Variants in ACOT7 observed in about 807,000 individuals in gnomAD.
ACOT7 encodes acyl-CoA thioesterase 7, also known as cytosolic acyl coenzyme A thioester hydrolase.
A neutral mutation model predicts 40.2 loss-of-function variants in ACOT7; 12 were observed. That is an observed-to-expected ratio of 0.30 (90% CI 0.19 to 0.48). The LOEUF is 0.48. Among genes scored for constraint, ACOT7 ranks in the 20% least tolerant of loss-of-function variants. The pLI, the probability that ACOT7 is intolerant of heterozygous loss-of-function variation, is 0.99. For synonymous variants in ACOT7, 228 were observed against 219.5 expected, an observed-to-expected ratio of 1.04 and a Z score of -0.34; for missense variants, 395 against 530.8, an observed-to-expected ratio of 0.74 and a Z score of 2.51.
rs2148463938 is a variant in ACOT7, at chr1:6,358,187, C to T, written c.144-8321G>A. 6.6e-6 allele frequency among the ~76,000 whole-genome samples: 1 copy of T among 152,222 alleles called. No individual in the cohort carries two copies. The highest frequency in any genetic ancestry group is 1.9e-4 in the East Asian group (1 of 5,168). The stretch of plus-strand genomic sequence containing the variant: ...TCTGGCCCCTGCTTCTCCTCTTTGA[C>T]TTGCTGCCTAAGGCAGTTCCGGCGA... On this transcript the variant is annotated intron_variant, in intron 1 of 8. Transcript: ENST00000361521. The surrounding 1 kb of genome is among the most constrained non-coding windows in gnomAD (Gnocchi z 4.1).
chr1:6,340,168 A>T (rs1043547607), intron 2 of ACOT7, among the ~76,000 whole-genome samples: 4 of 151,994 alleles, frequency 2.6e-5, no homozygotes, highest in African/African-American at 4.8e-5. Context: ...GGGTTTCTCC[A>T]TGTTAGCCAG....
At chr1:6,331,822 C>T (rs558074314) in intron 4 of ACOT7, among the ~76,000 whole-genome samples, 5 of 152,342 alleles carry the variant, frequency 3.3e-5, no homozygotes, top group African/African-American at 1.2e-4. Context: ...AGACACCCCA[C>T]CCAGACCTTC....
At position 6,333,544 on chromosome 1, in the gene ACOT7, G is replaced by T; in HGVS notation, c.443C>A (p.Ala148Asp). ...CGACAGGGGCACATACCACAGGGTG[G>T]CCTTATTGGTCAGCTTTTTGGCACC... ...LTGAKKLTNK[A>D]TLWYVPLSLK... Residue 148 changes from alanine (A) to aspartate (D), a missense_variant, in exon 4 of 9, where the codon GCC becomes GAC. Ala to Asp is a moderately radical substitution (Grantham distance 126, BLOSUM62 -2). Coordinates refer to ENST00000361521, the MANE Select transcript of ACOT7 (RefSeq NM_007274.4). 1 of 1,614,208 alleles carries T rather than the reference G, an allele frequency of 6.2e-7. No homozygotes were observed. Among genetic ancestry groups the T allele is most frequent in the Non-Finnish European group, 8.5e-7 (1 of 1,180,034 alleles).
rs11542479 is a variant in ACOT7, at chr1:6,393,579, G to C, written c.-180C>G. The C allele has an allele frequency of 1.5e-5, 7 of 473,334 alleles. No homozygotes were observed. The highest frequency in any genetic ancestry group is 4.8e-5 in the Admixed American group (1 of 20,708). 29.3% of individuals were successfully genotyped at this position (473,334 alleles called of 1,614,324 possible). On this transcript the variant is annotated 5_prime_UTR_variant, in exon 1 of 9. Transcript: ENST00000361521. ...GCGGGCGTACGATTCTGGCGGCGTG[G>C]GGGCCCAGGCAGCCGCCGCTTCCAG...
intron 1 of ACOT7, among the ~76,000 whole-genome samples, chr1:6,379,308 G>A (rs34185555): frequency 1.3e-5 from 2 of 151,630 alleles, no homozygotes; most frequent in African/African-American, 2.4e-5. Context: ...CAGCTGTGAC[G>A]GCAAGCAAGT....
Position 6,264,524 on chromosome 1 carries a change from G to A in ACOT7, c.*73C>T. 1 of 1,443,982 alleles carries A rather than the reference G, an allele frequency of 6.9e-7. No individual in the cohort carries two copies. The highest frequency in any genetic ancestry group is 1.3e-5 in the South Asian group (1 of 77,084). The allele number at this position is 1,443,982 out of a possible 1,614,324, so 89.4% of individuals were successfully genotyped here. A position where few individuals can be genotyped will look rare whatever the true frequency, so the allele number is the denominator to read the frequency against. ...GTGAATTGGGTTTTTGGCCAAGGGG[G>A]GAACTTCTAAGTGACTGGACACTGG... On this transcript the variant is annotated 3_prime_UTR_variant, in exon 9 of 9. Transcript: ENST00000361521.
At chr1:6,334,414 G>A (rs114597498) in intron 3 of ACOT7, among the ~76,000 whole-genome samples, 4,120 of 152,362 alleles carry the variant, frequency 0.027, 196 homozygotes, top group African/African-American at 0.094. Context: ...TCAGGAGGAT[G>A]TGGAGGCTGT....
intron 1 of ACOT7, among the ~76,000 whole-genome samples, chr1:6,365,784 T>C (rs75582020): frequency 1.1e-4 from 16 of 150,332 alleles, no homozygotes; most frequent in Admixed American, 9.3e-4. Flanking sequence ...AAAAAAAAAA[T>C]TTATTGCTAA....
chr1:6,390,836 T>A (rs1382929449), intron 1 of ACOT7, among the ~76,000 whole-genome samples: 2 of 151,864 alleles, frequency 1.3e-5, no homozygotes, highest in Admixed American at 1.3e-4. Flanking sequence ...CTCAGGAGGC[T>A]GAGGTGGAAG....
At chr1:6,391,227 G>C (rs909035820) in intron 1 of ACOT7, among the ~76,000 whole-genome samples, 1 of 149,244 alleles carries the variant, frequency 6.7e-6, no homozygotes, top group African/African-American at 2.5e-5. Context: ...AGCTGGGTGC[G>C]GTGGTTCACA....
intron 5 of ACOT7, among the ~76,000 whole-genome samples, chr1:6,325,705 G>A (rs901420923): frequency 1.3e-5 from 2 of 152,102 alleles, no homozygotes; most frequent in Non-Finnish European, 2.9e-5. Context: ...AAGTTGACCC[G>A]CCCAGAAAAC....
rs899880731 is a variant in ACOT7, at chr1:6,330,665, AG to A, written c.510+2811del. On this transcript the variant is annotated intron_variant, in intron 4 of 8. Transcript: ENST00000361521. The surrounding 1 kb of genome is among the most constrained non-coding windows in gnomAD (Gnocchi z 4.6). ...CTGGGCAAGGAGAGGCGAGGCTAACAGGGGCCACGCTGAAAGCACCCTGTCC... is the reference window on the plus strand; with the variant it reads ...CTGGGCAAGGAGAGGCGAGGCTAACAGGGCCACGCTGAAAGCACCCTGTCC... Among the ~76,000 whole-genome samples the A allele has an allele frequency of 6.6e-6, 1 of 152,184 alleles. No individual in the cohort carries two copies. Among genetic ancestry groups the A allele is most frequent in the Non-Finnish European group, 1.5e-5 (1 of 68,024 alleles).
At chr1:6,373,756 T>G (rs1480540540) in intron 1 of ACOT7, among the ~76,000 whole-genome samples, 1 of 151,896 alleles carries the variant, frequency 6.6e-6, no homozygotes. Context: ...TCCCAGCCCT[T>G]CAGGAGGCTG....
chr1:6,319,878 C>T (rs145368637), intron 5 of ACOT7, among the ~76,000 whole-genome samples: 201 of 152,340 alleles, frequency 1.3e-3, no homozygotes, highest in African/African-American at 4.6e-3. Context: ...CACGAGGGTG[C>T]GAGGGCTGGT....
intron 1 of ACOT7, among the ~76,000 whole-genome samples, chr1:6,380,608 A>C (rs569885104): frequency 2.7e-5 from 4 of 150,770 alleles, no homozygotes; most frequent in Non-Finnish European, 5.9e-5. Context: ...AAAAACAAGA[A>C]GACGACCTCT....
intron 5 of ACOT7, 93 bp from the exon 6 acceptor site, chr1:6,318,671 C>A: frequency 7.6e-7 from 1 of 1,316,398 alleles, no homozygotes; most frequent in Non-Finnish European, 1.1e-6. Context: ...CAGGTCTACA[C>A]AGTCAACGAA....
chr1:6,301,009 T>C lies in ACOT7; in HGVS notation c.713-6029A>G, dbSNP rs1002368729. Among the ~76,000 whole-genome samples, 1 of 152,216 alleles carries C rather than the reference T, an allele frequency of 6.6e-6. No homozygotes were observed. The highest frequency in any genetic ancestry group is 1.5e-5 in the Non-Finnish European group (1 of 68,042). On this transcript the variant is annotated intron_variant, in intron 6 of 8. Coordinates refer to ENST00000361521, the MANE Select transcript of ACOT7 (RefSeq NM_007274.4). This position sits in a 1 kb window ranked among gnomAD's most constrained non-coding sequence, Gnocchi z 4.1. ...TTGGGCCACCAGAGGCAATGCCATG[T>C]TGCCTCCCCATCCTGTCCTGTGACA...
chr1:6,333,711 ACCCCCAAGCCCCCAAG>A (rs893509429), intron 3 of ACOT7, 143 bp from the exon 4 acceptor site: 13 of 768,358 alleles, frequency 1.7e-5, no homozygotes, highest in Non-Finnish European at 2.5e-5. Flanking sequence ...CTGGCCCCCA[ACCCCCAAGCCCCCAAG>A]CCCCCAAGGC....
chr1:6,274,606 C>G lies in ACOT7; in HGVS notation c.1014+6496G>C, dbSNP rs1016147844. 6.6e-6 allele frequency among the ~76,000 whole-genome samples: 1 copy of G among 152,234 alleles called. No homozygotes were observed. Among genetic ancestry groups the G allele is most frequent in the African/African-American group, 2.4e-5 (1 of 41,468 alleles). Reference sequence around the variant, plus strand: ...CGAGGTGGGCACCATGTTCCAGAGCCTTCTGAAAGTTGTGTGGGTCTGTGC... The same window carrying G: ...CGAGGTGGGCACCATGTTCCAGAGCGTTCTGAAAGTTGTGTGGGTCTGTGC... On this transcript the variant is annotated intron_variant, in intron 8 of 8. Transcript: ENST00000361521. The surrounding 1 kb of genome is among the most constrained non-coding windows in gnomAD (Gnocchi z 5.9).
Sources: gnomAD v4.1 joint callset for allele counts (sites outside exome capture counted in the v4.1 genomes callset) on GRCh38, gnomAD v4.1.1 for gene constraint, Gnocchi (gnomAD v3.1) non-coding constraint, MANE v1.5 for transcripts, NCBI Gene and HGNC (gene_info 2026-07-23, HGNC 2026-07-21) for gene names.